The following AACS variants were observed in gnomAD, a reference collection of about 807,000 sequenced individuals.
The protein encoded by AACS is acetoacetate-CoA ligase.
Under a neutral mutation model 83.1 loss-of-function variants are expected in AACS, and 69 were observed. That is an observed-to-expected ratio of 0.83 (90% CI 0.68 to 1.01). AACS has a LOEUF of 1.01. Ranked by LOEUF, AACS falls within the 50% of genes least tolerant of loss-of-function variation. The probability of loss-of-function intolerance (pLI) is 0.00; values close to 1 mark genes in which losing one functional copy is unlikely to be tolerated. For synonymous variants in AACS, 333 were observed against 343.4 expected, an observed-to-expected ratio of 0.97 and a Z score of 0.33; for missense variants, 866 against 882.2, an observed-to-expected ratio of 0.98 and a Z score of 0.23.
chr12:125,074,660 G>GTTTTT (rs869194296), intron 2 of AACS, among the ~76,000 whole-genome samples: 7 of 122,158 alleles, frequency 5.7e-5, no homozygotes, highest in South Asian at 2.5e-4. Flanking sequence ...CATTGTTGTA[G>GTTTTT]TTTTTTTTTT....
chr12:125,082,962 A>G (rs1165762091), intron 3 of AACS, among the ~76,000 whole-genome samples: 5 of 152,246 alleles, frequency 3.3e-5, no homozygotes, highest in Non-Finnish European at 5.9e-5. Context: ...ATTATCTTCA[A>G]ATCATTTTCC....
chr12:125,129,373 A>G lies in AACS; in HGVS notation c.1462A>G (p.Thr488Ala). ...GGGAGAGAGCGGCGAGCTGGTGTGT[A>G]CTAAGCCGATCCCTTGCCAGCCCAC... ...VWGESGELVCTKPIPCQPTHF... is the reference protein window; with the variant it reads ...VWGESGELVCAKPIPCQPTHF... The change falls in exon 14 of 18, where the codon ACT (threonine) becomes GCT (alanine). Residue 488 changes from threonine to alanine, a missense_variant. Coordinates refer to ENST00000316519, the MANE Select transcript of AACS (RefSeq NM_023928.5). This position sits in a 1 kb window ranked among gnomAD's most constrained non-coding sequence, Gnocchi z 4.3. 3 of 1,614,042 alleles carry G rather than the reference A, an allele frequency of 1.9e-6. No homozygotes were observed.
chr12:125,085,212 A>G (rs1369606456), intron 3 of AACS, among the ~76,000 whole-genome samples: 1 of 152,260 alleles, frequency 6.6e-6, no homozygotes, highest in Admixed American at 6.5e-5. Context: ...TCGCACGTGC[A>G]TGTTTCATCC....
chr12:125,129,131 T>C lies in AACS; in HGVS notation c.1424-204T>C. 1 of 573,826 alleles carries C rather than the reference T, an allele frequency of 1.7e-6. No homozygotes were observed. Among genetic ancestry groups the C allele is most frequent in the Non-Finnish European group, 2.8e-6 (1 of 358,328 alleles). 35.5% of individuals were successfully genotyped at this position (573,826 alleles called of 1,614,324 possible). On this transcript the variant is annotated intron_variant, in intron 13 of 17. Coordinates refer to ENST00000316519, the MANE Select transcript of AACS (RefSeq NM_023928.5). The surrounding 1 kb of genome is among the most constrained non-coding windows in gnomAD (Gnocchi z 4.3). ...ATCACTACGTCCGAGACAGCGATTT[T>C]GGGGAGCACACAGGGAGGGGACTTC...
chr12:125,121,577 G>A (rs7133006), intron 10 of AACS: 56,537 of 152,094 alleles, frequency 0.37, 10,787 homozygotes, highest in East Asian at 0.45. Context: ...TTGAAAAGAT[G>A]AATTTTCTTC....
In AACS at chr12:125,087,630, C is replaced by T. The variant is rs150485178; in HGVS notation, c.472+1187C>T. Among the ~76,000 whole-genome samples the T allele has an allele frequency of 4.3e-4, 65 of 152,284 alleles. 1 individual carries two copies. The East Asian group carries it at 0.011, about 27-fold the overall frequency. On this transcript the variant is annotated intron_variant, in intron 4 of 17. Transcript: ENST00000316519. Reference sequence around the variant, plus strand: ...CTGGGGAGGGGCTTGGGCTTTGGAGCCTTGGTGTTTGGCACGGGTGTGCCT... The same window carrying T: ...CTGGGGAGGGGCTTGGGCTTTGGAGTCTTGGTGTTTGGCACGGGTGTGCCT...
chr12:125,066,093 A>AT (rs1344830174), intron 1 of AACS, among the ~76,000 whole-genome samples: 1 of 151,734 alleles, frequency 6.6e-6, no homozygotes, highest in Non-Finnish European at 1.5e-5. Context: ...GGCCTTTTTG[A>AT]CTTGCAGCTC....
chr12:125,098,955 C>T (rs549987349), intron 5 of AACS, among the ~76,000 whole-genome samples: 20 of 152,202 alleles, frequency 1.3e-4, no homozygotes, highest in South Asian at 6.2e-4. Context: ...TGGGGGTGTT[C>T]GGCACAGGTG....
chr12:125,096,460 G>A (rs543043415), intron 5 of AACS, among the ~76,000 whole-genome samples: 2 of 152,348 alleles, frequency 1.3e-5, no homozygotes, highest in Admixed American at 6.5e-5. Context: ...TTGTGTGTTC[G>A]CCACAGCCAA....
rs1029440075 is a variant in AACS at position 125,097,788 on chromosome 12, C to A, written c.571-4891C>A. Among the ~76,000 whole-genome samples, 4 of 152,186 alleles carry A rather than the reference C, an allele frequency of 2.6e-5. No individual in the cohort carries two copies. Among genetic ancestry groups the A allele is most frequent in the Non-Finnish European group, 4.4e-5 (3 of 68,040 alleles). ...CCAGGGGGAGCCCCATCTCAGTAAC[C>A]CCCGCCACTACAACCCTGCCAAACC... is the stretch of plus-strand genomic sequence containing the variant. On this transcript the variant is annotated intron_variant, in intron 5 of 17. Transcript: ENST00000316519. The surrounding 1 kb of genome is among the most constrained non-coding windows in gnomAD (Gnocchi z 4.3).
In AACS at chr12:125,136,755, C is replaced by A; in HGVS notation, c.1772C>A (p.Ser591Tyr). The change falls in exon 17 of 18, where the codon TCC (serine) becomes TAC (tyrosine). Residue 591 changes from serine (S) to tyrosine (Y), a missense_variant. By Grantham distance (144) the Ser-to-Tyr change is moderately radical. Coordinates refer to ENST00000316519, the MANE Select transcript of AACS (RefSeq NM_023928.5). ...ERVILFLKMA[S>Y]GHAFQPDLVK... ...GTGATCCTCTTCCTGAAGATGGCCT[C>A]CGGGCACGCCTTCCAGCCTGACTTG... 1 of 1,614,156 alleles carries A rather than the reference C, an allele frequency of 6.2e-7. No individual in the cohort carries two copies. The highest frequency in any genetic ancestry group is 1.3e-5 in the African/African-American group (1 of 75,050).
intron 17 of AACS, chr12:125,138,191 G>C (rs1470093399): frequency 1.3e-5 from 2 of 151,496 alleles, no homozygotes; most frequent in Non-Finnish European, 2.9e-5. Context: ...TCCCACTCGG[G>C]ACCCCTGTCC....
intron 5 of AACS, among the ~76,000 whole-genome samples, chr12:125,098,102 C>G (rs565952682): frequency 1.3e-5 from 2 of 152,082 alleles, no homozygotes; most frequent in Non-Finnish European, 2.9e-5. Context: ...TGGATCCGAA[C>G]CAGTGTTTGT....
chr12:125,073,237 C>T (rs1026735122), intron 1 of AACS, among the ~76,000 whole-genome samples: 1 of 152,118 alleles, frequency 6.6e-6, no homozygotes, highest in African/African-American at 2.4e-5. Flanking sequence ...CTCCATATGA[C>T]TTTTTACACT....
At chr12:125,104,717 T>C (rs1437632374) in intron 7 of AACS, among the ~76,000 whole-genome samples, 5 of 152,226 alleles carry the variant, frequency 3.3e-5, no homozygotes, top group Non-Finnish European at 7.3e-5. Context: ...CAGGTTCAGC[T>C]CTCAGCTGTG....
Position 125,076,607 on chromosome 12 carries a change from T to C in AACS, c.354T>C (p.Ile118=), listed in dbSNP as rs1956029795. Reference sequence around the variant, plus strand: ...AGAATGACAGAGTTGCCCTTTACATTGCAAGTAAGTCCTGATGGCGAGACC... The same window carrying C: ...AGAATGACAGAGTTGCCCTTTACATCGCAAGTAAGTCCTGATGGCGAGACC... The part of the protein sequence containing the change: ...HKENDRVALY[I]AREGKEEIVK... The change falls in exon 3 of 18, where the codon ATT becomes ATC. Residue 118 remains isoleucine (I), a synonymous_variant. Coordinates refer to ENST00000316519, the MANE Select transcript of AACS (RefSeq NM_023928.5). 20 of 1,614,038 alleles carry C rather than the reference T, an allele frequency of 1.2e-5. No homozygotes were observed. The highest frequency in any genetic ancestry group is 1.5e-5 in the Non-Finnish European group (18 of 1,179,948).
intron 4 of AACS, among the ~76,000 whole-genome samples, chr12:125,088,258 G>A (rs1956386016): frequency 6.7e-6 from 1 of 149,682 alleles, no homozygotes; most frequent in Non-Finnish European, 1.5e-5. Context: ...TTGAGACAGG[G>A]TCTCACTCTG....
chr12:125,131,041 G>A (rs1957322845), intron 14 of AACS, among the ~76,000 whole-genome samples: 1 of 152,214 alleles, frequency 6.6e-6, no homozygotes, highest in South Asian at 2.1e-4. Flanking sequence ...AGCAACAAGA[G>A]CAAGCCTTCG....
chr12:125,074,660 GTTTTT>G (rs869194296), intron 2 of AACS, among the ~76,000 whole-genome samples: 1 of 122,158 alleles, frequency 8.2e-6, no homozygotes. Context: ...CATTGTTGTA[GTTTTT>G]TTTTTTTTTT....
Sources: gnomAD v4.1 joint callset for allele counts (sites outside exome capture counted in the v4.1 genomes callset) on GRCh38, gnomAD v4.1.1 for gene constraint, Gnocchi (gnomAD v3.1) non-coding constraint, MANE v1.5 for transcripts, NCBI Gene and HGNC (gene_info 2026-07-23, HGNC 2026-07-21) for gene names.